The following ALPL variants were observed in gnomAD, a reference collection of about 807,000 sequenced individuals.
The protein encoded by ALPL is alkaline phosphatase, tissue-nonspecific isozyme.
Under a neutral mutation model 51.3 loss-of-function variants are expected in ALPL, and 42 were observed. That is an observed-to-expected ratio of 0.82 (90% confidence interval 0.64 to 1.06). The LOEUF is 1.06. Among genes scored for constraint, ALPL ranks in the 50% least tolerant of loss-of-function variants. The probability of loss-of-function intolerance (pLI) is 0.00; values close to 1 mark genes in which losing one functional copy is unlikely to be tolerated. For missense variants in ALPL, 589 were observed against 709.4 expected, an observed-to-expected ratio of 0.83 and a Z score of 1.93; for synonymous variants, 279 against 296.4, an observed-to-expected ratio of 0.94 and a Z score of 0.60.
At chr1:21,545,442 C>T (rs1336802188) in intron 1 of ALPL, among the ~76,000 whole-genome samples, 1 of 152,170 alleles carries the variant, frequency 6.6e-6, no homozygotes, top group African/African-American at 2.4e-5. Context: ...AGGCGCCTGC[C>T]ACCATGCCCA....
intron 2 of ALPL, among the ~76,000 whole-genome samples, chr1:21,556,225 C>G (rs1404615646): frequency 6.6e-6 from 1 of 152,226 alleles, no homozygotes; most frequent in Non-Finnish European, 1.5e-5. Flanking sequence ...CAGATCCCCA[C>G]TTAGACCTGG....
chr1:21,555,770 TTTTG>T (rs1278494734), intron 2 of ALPL, among the ~76,000 whole-genome samples: 2 of 151,178 alleles, frequency 1.3e-5, no homozygotes, highest in Non-Finnish European at 2.9e-5. Context: ...AACAGGAGTT[TTTTG>T]TTTTTCTTTT....
At chr1:21,521,478 CTT>C (rs1457693119) in intron 1 of ALPL, among the ~76,000 whole-genome samples, 1 of 152,208 alleles carries the variant, frequency 6.6e-6, no homozygotes, top group East Asian at 1.9e-4. Flanking sequence ...CATTTAATGA[CTT>C]TTGAGTTCAT....
chr1:21,511,301 T>C (rs909740044), intron 1 of ALPL, among the ~76,000 whole-genome samples: 1 of 152,224 alleles, frequency 6.6e-6, no homozygotes, highest in Non-Finnish European at 1.5e-5. Flanking sequence ...TGGCCCTCAC[T>C]TTAGCAAAGG....
At chr1:21,513,518 T>C (rs932565100) in intron 1 of ALPL, among the ~76,000 whole-genome samples, 2 of 152,188 alleles carry the variant, frequency 1.3e-5, no homozygotes, top group African/African-American at 4.8e-5. Flanking sequence ...GAGTCTCAGA[T>C]TCTTCATCTG....
At chr1:21,559,083 G>A (rs758537001) in intron 2 of ALPL, among the ~76,000 whole-genome samples, 44 of 152,244 alleles carry the variant, frequency 2.9e-4, no homozygotes, top group Non-Finnish European at 2.2e-4. Context: ...CCAGGCACGC[G>A]TCGGAGCTGG....
intron 1 of ALPL, among the ~76,000 whole-genome samples, chr1:21,532,482 C>G (rs1247425436): frequency 6.6e-6 from 1 of 152,080 alleles, no homozygotes; most frequent in African/African-American, 2.4e-5. Flanking sequence ...TGAGCTACTG[C>G]GCCCAGCCCA....
intron 6 of ALPL, among the ~76,000 whole-genome samples, chr1:21,567,670 C>CG (rs924300429): frequency 1.3e-5 from 2 of 152,116 alleles, no homozygotes. Flanking sequence ...CTGTGGCCTT[C>CG]GGGGGAAAAA....
chr1:21,547,855 C>T (rs1644273215), intron 1 of ALPL, among the ~76,000 whole-genome samples: 1 of 152,204 alleles, frequency 6.6e-6, no homozygotes, highest in African/African-American at 2.4e-5. Context: ...ACGTTTGTCC[C>T]ATTCTTCTAT....
At chr1:21,556,064 C>T (rs1204778364) in intron 2 of ALPL, among the ~76,000 whole-genome samples, 1 of 152,140 alleles carries the variant, frequency 6.6e-6, no homozygotes, top group Non-Finnish European at 1.5e-5. Flanking sequence ...TGAGCCACCG[C>T]ACCCGGCCGA....
At chr1:21,553,798 T>C (rs1024263031) in intron 1 of ALPL, among the ~76,000 whole-genome samples, 180 bp from the exon 2 acceptor site, 1 of 152,218 alleles carries the variant, frequency 6.6e-6, no homozygotes, top group Admixed American at 6.5e-5. Context: ...GTTTGTGTGG[T>C]TAAGCTTCCT....
intron 1 of ALPL, among the ~76,000 whole-genome samples, chr1:21,526,794 A>C (rs1056621308): frequency 6.6e-6 from 1 of 152,016 alleles, no homozygotes; most frequent in South Asian, 2.1e-4. Context: ...TTTTATTTCA[A>C]TTTGTTCTGC....
At position 21,554,029 on chromosome 1, in the gene ALPL, CACGT is replaced by C; in HGVS notation, c.-52_-49del. On this transcript the variant is annotated 5_prime_UTR_variant, in exon 2 of 12. Transcript: ENST00000374840. The stretch of plus-strand genomic sequence containing the variant: ...CACTGCCAGCCCACCCCCTCCCACC[CACGT>C]CGATTGCATCTCTGGGCTCCAGGGA... The C allele has an allele frequency of 7.3e-7, 1 of 1,367,574 alleles. No individual in the cohort carries two copies. 84.7% of individuals were successfully genotyped at this position (1,367,574 alleles called of 1,614,324 possible). A position where few individuals can be genotyped will look rare whatever the true frequency, so the allele number is the denominator to read the frequency against.
At chr1:21,549,358 C>T (rs1644291177) in intron 1 of ALPL, among the ~76,000 whole-genome samples, 2 of 152,188 alleles carry the variant, frequency 1.3e-5, no homozygotes, top group South Asian at 2.1e-4. Flanking sequence ...CTTAGTGTCT[C>T]CACTTCTAAA....
At chr1:21,533,944 G>A (rs1255731854) in intron 1 of ALPL, among the ~76,000 whole-genome samples, 1 of 149,696 alleles carries the variant, frequency 6.7e-6, no homozygotes, top group Non-Finnish European at 1.5e-5. Context: ...AAAAGAAGAA[G>A]AAGAAGAAGA....
At chr1:21,561,761 A>G (rs536153592) in intron 4 of ALPL, among the ~76,000 whole-genome samples, 1 of 144,486 alleles carries the variant, frequency 6.9e-6, no homozygotes, top group African/African-American at 2.7e-5. Flanking sequence ...CTGCCTCCCG[A>G]GTTCAAGTGA....
At chr1:21,533,924 CAAAA>C (rs760101424) in intron 1 of ALPL, among the ~76,000 whole-genome samples, 8 of 127,458 alleles carry the variant, frequency 6.3e-5, no homozygotes, top group South Asian at 2.4e-4. Flanking sequence ...ACTCTTGTCT[CAAAA>C]AAAAAAAAAG....
chr1:21,577,105 A>G (rs1036056174), intron 11 of ALPL, among the ~76,000 whole-genome samples: 3 of 152,128 alleles, frequency 2.0e-5, no homozygotes, highest in Non-Finnish European at 4.4e-5. Flanking sequence ...AGATGCAGCA[A>G]TGGTAAGAGT....
At chr1:21,520,138 G>GT (rs916740672) in intron 1 of ALPL, among the ~76,000 whole-genome samples, 2 of 151,874 alleles carry the variant, frequency 1.3e-5, no homozygotes, top group Admixed American at 1.3e-4. Context: ...TTGTTTGTTT[G>GT]TTTTTTGAGA....
Sources: gnomAD v4.1 joint callset for allele counts (sites outside exome capture counted in the v4.1 genomes callset) on GRCh38, gnomAD v4.1.1 for gene constraint, MANE v1.5 for transcripts, NCBI Gene and HGNC (gene_info 2026-07-23, HGNC 2026-07-21) for gene names.